NELL1: variants seen among roughly 807,000 people sequenced by gnomAD.
NELL1 encodes the protein neural EGFL like 1.
In NELL1, 76 loss-of-function variants were observed where a neutral mutation model predicts 107.4. That is an observed-to-expected ratio of 0.71 (90% confidence interval 0.59 to 0.86). The LOEUF is 0.86. NELL1 is among the 40% of genes least tolerant of loss of function. NELL1 has a pLI of 0.00. For synonymous variants in NELL1, 353 were observed against 341.2 expected (o/e 1.03, Z -0.38); for missense variants, 1,024 against 1,005.5 (o/e 1.02, Z -0.25).
At chr11:21,466,023 C>G (rs1329899151) in intron 15 of NELL1, among the ~76,000 whole-genome samples, 3 of 152,086 alleles carry the variant, frequency 2.0e-5, no homozygotes, top group African/African-American at 7.2e-5. Flanking sequence ...GCAAAGCGCT[C>G]TTAGAATCCT....
chr11:21,179,861 A>ATTTT (rs1856791147), intron 13 of NELL1, among the ~76,000 whole-genome samples: 9 of 41,016 alleles, frequency 2.2e-4, no homozygotes, highest in Admixed American at 8.7e-4. Flanking sequence ...AAATCAACAC[A>ATTTT]CTTTTTTTTT....
At chr11:21,258,148 G>C (rs1858816760) in intron 14 of NELL1, among the ~76,000 whole-genome samples, 1 of 152,014 alleles carries the variant, frequency 6.6e-6, no homozygotes, top group South Asian at 2.1e-4. Context: ...AGGACTTGCT[G>C]TTATCTGAGA....
chr11:20,832,892 C>T (rs182825305), intron 3 of NELL1, among the ~76,000 whole-genome samples: 10 of 152,264 alleles, frequency 6.6e-5, no homozygotes, highest in South Asian at 2.1e-4. Context: ...ACTGTGGAGC[C>T]GTCAGCACCA....
rs139248528 is a variant in NELL1 at position 21,194,315 on chromosome 11, C to T, written c.1427-35017C>T. On this transcript the variant is annotated intron_variant, in intron 13 of 19. Transcript: ENST00000357134. ...CAATGAATCAATCAAGGCTTGGCTT[C>T]TGACTGGAATGGGCTTGGTTGTTTT... Among the ~76,000 whole-genome samples, 398 of 152,266 alleles carry T rather than the reference C, an allele frequency of 2.6e-3. 8 individuals carry two copies. The highest frequency in any genetic ancestry group is 9.1e-3 in the African/African-American group (380 of 41,552).
chr11:21,344,111 T>G (rs1031463290), intron 14 of NELL1, among the ~76,000 whole-genome samples: 1 of 152,230 alleles, frequency 6.6e-6, no homozygotes, highest in Admixed American at 6.5e-5. Flanking sequence ...GCATTCTGTC[T>G]GAGCATCTAA....
chr11:20,958,359 G>A (rs1851220923), intron 11 of NELL1, among the ~76,000 whole-genome samples: 1 of 152,120 alleles, frequency 6.6e-6, no homozygotes, highest in Non-Finnish European at 1.5e-5. Flanking sequence ...GCTGCAAAGA[G>A]CAACGATTGT....
intron 15 of NELL1, among the ~76,000 whole-genome samples, chr11:21,423,337 T>G (rs748884309): frequency 5.6e-4 from 85 of 152,078 alleles, no homozygotes; most frequent in Non-Finnish European, 1.0e-3. Context: ...ACCACTGCAT[T>G]CCAGCCTGGC....
chr11:21,501,907 C>G (rs545279951), intron 15 of NELL1, among the ~76,000 whole-genome samples: 1 of 152,282 alleles, frequency 6.6e-6, no homozygotes, highest in South Asian at 2.1e-4. Flanking sequence ...CTCCCAAGTT[C>G]TTAAAGTTTA....
At chr11:21,422,740 T>C (rs902167366) in intron 15 of NELL1, among the ~76,000 whole-genome samples, 5 of 151,492 alleles carry the variant, frequency 3.3e-5, no homozygotes, top group Non-Finnish European at 7.4e-5. Flanking sequence ...AAAGAGTAAC[T>C]AAAACAAAAC....
chr11:20,672,922 G>A (rs1853950087), intron 1 of NELL1, among the ~76,000 whole-genome samples: 1 of 144,006 alleles, frequency 6.9e-6, no homozygotes, highest in Non-Finnish European at 1.5e-5. Flanking sequence ...CATGATCTCG[G>A]CTCACCACAA....
At chr11:21,158,150 T>C (rs773990198) in intron 13 of NELL1, among the ~76,000 whole-genome samples, 13 of 152,204 alleles carry the variant, frequency 8.5e-5, no homozygotes, top group Non-Finnish European at 1.6e-4. Context: ...ATCAGACTTC[T>C]AGTTCTTCAG....
chr11:20,803,575 A>C (rs1857321857), intron 3 of NELL1, among the ~76,000 whole-genome samples: 1 of 151,982 alleles, frequency 6.6e-6, no homozygotes, highest in African/African-American at 2.4e-5. Flanking sequence ...TTATTTCTTT[A>C]CATCTACTAA....
chr11:21,062,529 G>A (rs1273056894), intron 12 of NELL1, among the ~76,000 whole-genome samples: 2 of 152,146 alleles, frequency 1.3e-5, no homozygotes, highest in African/African-American at 2.4e-5. Flanking sequence ...AAACCAAAAG[G>A]TAGAAGGAGT....
At chr11:21,062,100 T>A (rs1395194261) in intron 12 of NELL1, among the ~76,000 whole-genome samples, 2 of 152,186 alleles carry the variant, frequency 1.3e-5, no homozygotes, top group African/African-American at 4.8e-5. Flanking sequence ...CTTACCACTG[T>A]GGTTATTGAT....
At chr11:20,753,556 G>A (rs188605684) in intron 2 of NELL1, among the ~76,000 whole-genome samples, 28 of 151,940 alleles carry the variant, frequency 1.8e-4, no homozygotes, top group Non-Finnish European at 5.9e-5. Context: ...GTATTTTTAG[G>A]TGCCGGTCTC....
At chr11:20,922,209 G>T (rs540380712) in intron 7 of NELL1, among the ~76,000 whole-genome samples, 1 of 152,210 alleles carries the variant, frequency 6.6e-6, no homozygotes, top group Non-Finnish European at 1.5e-5. Context: ...AACCATCAGG[G>T]TGGAAGCTCA....
chr11:20,935,225 A>T (rs1415511464), intron 9 of NELL1, among the ~76,000 whole-genome samples: 1 of 152,156 alleles, frequency 6.6e-6, no homozygotes, highest in African/African-American at 2.4e-5. Context: ...CATGTGATAT[A>T]TATTCTGTTG....
chr11:21,245,329 G>A (rs1356683721), intron 14 of NELL1, among the ~76,000 whole-genome samples: 1 of 152,148 alleles, frequency 6.6e-6, no homozygotes, highest in Non-Finnish European at 1.5e-5. Context: ...CTGTGGCCTT[G>A]GAAGTTACAC....
chr11:21,211,430 C>T (rs1857495187), intron 13 of NELL1, among the ~76,000 whole-genome samples: 1 of 152,124 alleles, frequency 6.6e-6, no homozygotes, highest in South Asian at 2.1e-4. Context: ...AAGGCAAGAG[C>T]ATACTGGGCT....
Sources: gnomAD v4.1 joint callset for allele counts (sites outside exome capture counted in the v4.1 genomes callset) on GRCh38, gnomAD v4.1.1 for gene constraint, MANE v1.5 for transcripts, NCBI Gene and HGNC (gene_info 2026-07-23, HGNC 2026-07-21) for gene names.